DSCAML1: variants seen among roughly 807,000 people sequenced by gnomAD.
The protein encoded by DSCAML1 is DS cell adhesion molecule like 1, also known as cell adhesion molecule DSCAML1.
DSCAML1 carries 38 observed loss-of-function variants against 200.5 expected under a neutral mutation model. That is an observed-to-expected ratio of 0.19 (90% CI 0.15 to 0.25). The LOEUF is 0.25. Ranked by LOEUF, DSCAML1 falls within the 10% of genes least tolerant of loss-of-function variation. The pLI is 1.00. For missense variants in DSCAML1, 2,223 were observed against 2,858.8 expected (o/e 0.78, Z 5.07); for synonymous variants, 1,215 against 1,165.0 (o/e 1.04, Z -0.87).
intron 1 of DSCAML1, among the ~76,000 whole-genome samples, chr11:117,810,689 A>C (rs1440303403): frequency 1.3e-5 from 2 of 152,132 alleles, no homozygotes; most frequent in Non-Finnish European, 2.9e-5. Context: ...CCCCAATACA[A>C]ACTCGACAGT....
chr11:117,794,071 G>A (rs540204549), intron 1 of DSCAML1, among the ~76,000 whole-genome samples: 1 of 147,336 alleles, frequency 6.8e-6, no homozygotes, highest in Admixed American at 6.8e-5. Flanking sequence ...TGAACAGAAT[G>A]TTGGAGATTT....
At chr11:117,443,030 T>C (rs977079262) in intron 21 of DSCAML1, among the ~76,000 whole-genome samples, 9 of 152,172 alleles carry the variant, frequency 5.9e-5, no homozygotes, top group Admixed American at 2.6e-4. Context: ...CTCTTGTGTT[T>C]GGGCCAAGAG....
In DSCAML1 at chr11:117,607,509, G is replaced by A. The variant is rs2051592370; in HGVS notation, c.512-74987C>T. 2.0e-5 allele frequency among the ~76,000 whole-genome samples: 3 copies of A among 152,222 alleles called. No individual in the cohort carries two copies. The South Asian group carries it at 6.2e-4, about 32-fold the overall frequency. The stretch of plus-strand genomic sequence containing the variant: ...GCAGGGAAGAGAATTCAACTCAGAT[G>A]GTTCAAAAGCAGAGCTCTGGTGAAG... On this transcript the variant is annotated intron_variant, in intron 3 of 32. Coordinates refer to ENST00000651296, the MANE Select transcript of DSCAML1 (RefSeq NM_020693.4).
At chr11:117,436,892 T>C (rs1483508149) in intron 26 of DSCAML1, among the ~76,000 whole-genome samples, 1 of 152,230 alleles carries the variant, frequency 6.6e-6, no homozygotes, top group Non-Finnish European at 1.5e-5. Flanking sequence ...TACTGACCTA[T>C]GTGTCTGTCC....
At chr11:117,817,510 G>C (rs610226) in exon 1 of DSCAML1, 107,073 of 151,988 alleles carry the variant, frequency 0.7, 38,742 homozygotes, top group African/African-American at 0.87. Context: ...AAGAGCTACT[G>C]AGGCAAAGCC....
chr11:117,782,031 G>C (rs1286440387), intron 1 of DSCAML1, among the ~76,000 whole-genome samples: 1 of 152,168 alleles, frequency 6.6e-6, no homozygotes, highest in East Asian at 1.9e-4. Flanking sequence ...AGACGGCAGG[G>C]TCCCAGGTCT....
At chr11:117,689,098 A>G (rs2053454810) in intron 3 of DSCAML1, among the ~76,000 whole-genome samples, 1 of 152,166 alleles carries the variant, frequency 6.6e-6, no homozygotes, top group African/African-American at 2.4e-5. Flanking sequence ...GTAACCTCAC[A>G]ACAGCTGCAG....
At chr11:117,704,985 G>A (rs1017242498) in intron 3 of DSCAML1, among the ~76,000 whole-genome samples, 12 of 152,156 alleles carry the variant, frequency 7.9e-5, no homozygotes, top group Admixed American at 7.2e-4. Flanking sequence ...GTCAAGGTAC[G>A]AGTGTGCGCC....
At position 117,461,515 on chromosome 11, in the gene DSCAML1, C is replaced by A; in HGVS notation, c.3347G>T (p.Arg1116Leu). ...VAVISWSEPPRSTLNGVLKGY... is the reference protein window; with the variant it reads ...VAVISWSEPPLSTLNGVLKGY... ...TTTGAGGACGCCATTGAGGGTGCTG[C>A]GCGGGGGCTCTGACCAGGAGATGAC... Residue 1116 changes from arginine (R) to leucine (L), a missense_variant, in exon 18 of 33, where the codon CGC becomes CTC. Around this residue, in one of 7 missense-constraint regions of DSCAML1, gnomAD observed 438 missense variants for 629.7 expected, o/e 0.70. Coordinates refer to ENST00000651296, the MANE Select transcript of DSCAML1 (RefSeq NM_020693.4). 2 of 1,614,208 alleles carry A rather than the reference C, an allele frequency of 1.2e-6. No individual in the cohort carries two copies. Among genetic ancestry groups the A allele is most frequent in the Non-Finnish European group, 1.7e-6 (2 of 1,180,044 alleles).
rs372047650 is a variant in DSCAML1 at position 117,435,326 on chromosome 11, G to A, written c.4876+318C>T. ...TGAGAGGGGATGAAGCATCCAGTGT[G>A]GAAAGGAGCAACATCTGTTTACCAA... On this transcript the variant is annotated intron_variant, in intron 27 of 32. Transcript: ENST00000651296. Among the ~76,000 whole-genome samples the A allele has an allele frequency of 2.0e-4, 31 of 152,300 alleles. No homozygotes were observed. In the East Asian group the frequency reaches 5.6e-3, roughly 28 times the overall value.
chr11:117,764,710 C>T (rs1054928421), intron 3 of DSCAML1, among the ~76,000 whole-genome samples: 23 of 152,246 alleles, frequency 1.5e-4, no homozygotes, highest in African/African-American at 5.5e-4. Context: ...GGGGTACAAC[C>T]ATGCTCCATC....
At chr11:117,603,170 GAC>G (rs746539076) in intron 3 of DSCAML1, among the ~76,000 whole-genome samples, 1 of 152,184 alleles carries the variant, frequency 6.6e-6, no homozygotes, top group Non-Finnish European at 1.5e-5. Context: ...ATGAGGAACT[GAC>G]ACAGAGTCTC....
intron 3 of DSCAML1, among the ~76,000 whole-genome samples, chr11:117,657,371 GA>G (rs1454188929): frequency 7.9e-5 from 12 of 152,174 alleles, no homozygotes; most frequent in African/African-American, 2.9e-4. Flanking sequence ...CAGGGAAACA[GA>G]AACAAATCCA....
At chr11:117,748,966 C>T (rs1234486006) in intron 3 of DSCAML1, among the ~76,000 whole-genome samples, 1 of 152,192 alleles carries the variant, frequency 6.6e-6, no homozygotes, top group Non-Finnish European at 1.5e-5. Context: ...GGGTAAGGCT[C>T]TAGTTGGCTC....
chr11:117,647,936 G>A (rs975314544), intron 3 of DSCAML1, among the ~76,000 whole-genome samples: 2 of 152,066 alleles, frequency 1.3e-5, no homozygotes, highest in African/African-American at 2.4e-5. Flanking sequence ...GTCACGTCCC[G>A]CCGGCACGAT....
Position 117,695,315 on chromosome 11 carries a change from C to CTTTTTTTTT in DSCAML1, c.511+81467_511+81475dup, listed in dbSNP as rs753748981. On this transcript the variant is annotated intron_variant, in intron 3 of 32. Transcript: ENST00000651296. ...TTTTTTCTTTTCTTTCTTTCTTTTT[C>CTTTTTTTTT]TTTTTTTTTTTTTTTTTTTGCTAAC... Among the ~76,000 whole-genome samples the CTTTTTTTTT allele has an allele frequency of 5.8e-3, 678 of 116,598 alleles. 7 individuals are homozygous for CTTTTTTTTT. The highest frequency in any genetic ancestry group is 0.015 in the African/African-American group (464 of 31,326). 76.5% of individuals were successfully genotyped at this position (116,598 alleles called of 152,430 possible).
At chr11:117,603,010 C>T (rs1490781593) in intron 3 of DSCAML1, among the ~76,000 whole-genome samples, 3 of 152,228 alleles carry the variant, frequency 2.0e-5, no homozygotes, top group East Asian at 3.9e-4. Context: ...GTGGGAGAAT[C>T]GTTTGAGCCC....
At chr11:117,557,223 T>A (rs905758089) in intron 3 of DSCAML1, among the ~76,000 whole-genome samples, 2 of 152,122 alleles carry the variant, frequency 1.3e-5, no homozygotes, top group African/African-American at 4.8e-5. Context: ...AGAGGCAGTG[T>A]GGCAGGGGAG....
In DSCAML1 at chr11:117,503,645, A is replaced by T. The variant is rs2049438085; in HGVS notation, c.2359+200T>A. 6.6e-6 allele frequency among the ~76,000 whole-genome samples: 1 copy of T among 152,186 alleles called. No homozygotes were observed. Among genetic ancestry groups the T allele is most frequent in the African/African-American group, 2.4e-5 (1 of 41,440 alleles). On this transcript the variant is annotated intron_variant, in intron 11 of 32. Coordinates refer to ENST00000651296, the MANE Select transcript of DSCAML1 (RefSeq NM_020693.4). The surrounding 1 kb of genome is among the most constrained non-coding windows in gnomAD (Gnocchi z 5.2). ...AGGGTGGGGTGAGTTGGGGCCTCTC[A>T]GGGTGAGGCCGCTGTTTTAGATGAC...
Sources: allele counts gnomAD v4.1 joint callset (sites outside exome capture counted in the v4.1 genomes callset), GRCh38; gene constraint gnomAD v4.1.1; regional missense constraint gnomAD v4.1.1; non-coding constraint Gnocchi (gnomAD v3.1); transcripts MANE v1.5; gene names NCBI Gene and HGNC (gene_info 2026-07-23, HGNC 2026-07-21).